Variants in ANK3 observed in about 807,000 individuals in gnomAD.
The protein encoded by ANK3 is ankyrin 3.
Under a neutral mutation model 370.9 loss-of-function variants are expected in ANK3, and 57 were observed. The ratio of observed to expected loss-of-function variants is 0.15; its 90% CI spans 0.12 to 0.19. The LOEUF is 0.19. Among genes scored for constraint, ANK3 ranks in the 10% least tolerant of loss-of-function variants. ANK3 has a pLI of 1.00. For synonymous variants in ANK3, 1,929 were observed against 1,946.3 expected, an observed-to-expected ratio of 0.99 and a Z score of 0.23; for missense variants, 4,439 against 5,302.1, an observed-to-expected ratio of 0.84 and a Z score of 5.06.
At chr10:60,216,086 ACGTATTT>A (rs2096932342) in intron 8 of ANK3, among the ~76,000 whole-genome samples, 1 of 152,020 alleles carries the variant, frequency 6.6e-6, no homozygotes, top group Non-Finnish European at 1.5e-5. Flanking sequence ...CTGTATACCT[ACGTATTT>A]TATTCTCTTT....
At chr10:60,345,632 A>G (rs940183412) in intron 1 of ANK3, among the ~76,000 whole-genome samples, 2 of 152,158 alleles carry the variant, frequency 1.3e-5, no homozygotes, top group African/African-American at 4.8e-5. Context: ...AGATAAGACA[A>G]TACTAAAGCT....
At position 60,042,519 on chromosome 10, in the gene ANK3, A is replaced by G. The variant is rs113693383; in HGVS notation, c.*19+153T>C. On this transcript the variant is annotated intron_variant, in intron 43 of 43. Transcript: ENST00000280772. ...TTTCATTGTGTGTATATATGCAAAC[A>G]TCAACAGAACTTGAACAACTTCGTA... Among the ~76,000 whole-genome samples, 3 of 152,376 alleles carry G rather than the reference A, an allele frequency of 2.0e-5. No individual in the cohort carries two copies. The South Asian group carries it at 6.2e-4, about 32-fold the overall frequency.
At chr10:60,548,404 G>GT (rs1555390054) in intron 2 of ANK3, among the ~76,000 whole-genome samples, 5 of 151,068 alleles carry the variant, frequency 3.3e-5, no homozygotes, top group Non-Finnish European at 3.0e-5. Context: ...TTTTTTTGTT[G>GT]TTGTTTGTTT....
intron 2 of ANK3, among the ~76,000 whole-genome samples, chr10:60,567,401 A>G (rs1010384259): frequency 2.0e-5 from 3 of 152,152 alleles, no homozygotes; most frequent in Non-Finnish European, 4.4e-5. Context: ...ATGACAGTAC[A>G]TCTGTCTACA....
At chr10:60,715,528 A>T (rs1047619101) in intron 1 of ANK3, among the ~76,000 whole-genome samples, 4 of 152,258 alleles carry the variant, frequency 2.6e-5, no homozygotes, top group Admixed American at 2.6e-4. Flanking sequence ...GGGTGGGGAG[A>T]ATATACAAAG....
intron 1 of ANK3, among the ~76,000 whole-genome samples, chr10:60,642,308 T>C (rs1018958597): frequency 4.6e-5 from 7 of 151,366 alleles, no homozygotes; most frequent in Non-Finnish European, 1.0e-4. Context: ...CTAGAAATCA[T>C]GCTGCTATAA....
At chr10:60,682,615 C>A (rs1372291531) in intron 1 of ANK3, among the ~76,000 whole-genome samples, 1 of 152,200 alleles carries the variant, frequency 6.6e-6, no homozygotes, top group South Asian at 2.1e-4. Flanking sequence ...GTCTTAAGAC[C>A]CTTCCTGGTT....
At chr10:60,405,120 T>C (rs2063426415) in intron 2 of ANK3, among the ~76,000 whole-genome samples, 1 of 152,136 alleles carries the variant, frequency 6.6e-6, no homozygotes, top group African/African-American at 2.4e-5. Flanking sequence ...CATTTGGCAG[T>C]TTCTTATAAA....
chr10:60,146,567 C>T (rs1305130625), intron 23 of ANK3, among the ~76,000 whole-genome samples: 2 of 152,134 alleles, frequency 1.3e-5, no homozygotes, highest in Admixed American at 1.3e-4. Flanking sequence ...TGGCTCACTG[C>T]AACCTCTGCC....
intron 43 of ANK3, among the ~76,000 whole-genome samples, chr10:60,034,388 G>A (rs11597421): frequency 0.34 from 51,295 of 152,078 alleles, 10,867 homozygotes; most frequent in Non-Finnish European, 0.48. Context: ...GATTACAGGC[G>A]TGTCACCATG....
intron 9 of ANK3, among the ~76,000 whole-genome samples, chr10:60,210,729 A>C (rs2096840681): frequency 6.6e-6 from 1 of 152,216 alleles, no homozygotes; most frequent in African/African-American, 2.4e-5. Context: ...ATGGGGAAGA[A>C]ATAAAAAACC....
chr10:60,572,444 T>A, intron 2 of ANK3: 1 of 1,534,084 alleles, frequency 6.5e-7, no homozygotes, highest in East Asian at 2.4e-5. Context: ...GAAGAGAACA[T>A]GTTGCTTATT....
intron 1 of ANK3, among the ~76,000 whole-genome samples, chr10:60,303,358 T>C (rs2132813235): frequency 6.6e-6 from 1 of 152,240 alleles, no homozygotes; most frequent in South Asian, 2.1e-4. Context: ...TACAACTCAA[T>C]AGTAAGAAAT....
chr10:60,132,793 T>G (rs12220688), intron 25 of ANK3, among the ~76,000 whole-genome samples: 2 of 132,768 alleles, frequency 1.5e-5, no homozygotes, highest in East Asian at 4.1e-4. Context: ...ATTTTTGTAT[T>G]TTTAGTAGAG....
intron 8 of ANK3, among the ~76,000 whole-genome samples, chr10:60,229,313 C>T (rs892625378): frequency 9.9e-5 from 15 of 152,114 alleles, no homozygotes; most frequent in African/African-American, 3.4e-4. Flanking sequence ...TTCTTGTCAA[C>T]ATATCTATTT....
At chr10:60,438,348 C>CTA in intron 2 of ANK3, among the ~76,000 whole-genome samples, 1 of 152,130 alleles carries the variant, frequency 6.6e-6, no homozygotes, top group Admixed American at 6.5e-5. Context: ...AATAATACAG[C>CTA]CTCAACTCCA....
chr10:60,451,158 C>T (rs529786336), intron 2 of ANK3, among the ~76,000 whole-genome samples: 2 of 152,256 alleles, frequency 1.3e-5, no homozygotes, highest in South Asian at 2.1e-4. Context: ...TCCCCAGCCA[C>T]GCCGGAAGCT....
chr10:60,173,033 T>C, intron 19 of ANK3, 35 bp from the exon 20 acceptor site: 1 of 1,609,292 alleles, frequency 6.2e-7, no homozygotes, highest in Non-Finnish European at 8.5e-7. Context: ...GATTCTTAAT[T>C]CCTTTGAAGC....
chr10:60,688,368 G>T (rs900123251), intron 1 of ANK3, among the ~76,000 whole-genome samples: 1 of 152,088 alleles, frequency 6.6e-6, no homozygotes, highest in Admixed American at 6.6e-5. Context: ...GCCTGACCCA[G>T]AATTACTATT....
Sources: allele counts gnomAD v4.1 joint callset (sites outside exome capture counted in the v4.1 genomes callset), GRCh38; gene constraint gnomAD v4.1.1; transcripts MANE v1.5; gene names NCBI Gene and HGNC (gene_info 2026-07-23, HGNC 2026-07-21).